AGBL3: variants seen among roughly 807,000 people sequenced by gnomAD.
AGBL3 encodes AGBL carboxypeptidase 3.
A neutral mutation model predicts 94.5 loss-of-function variants in AGBL3; 68 were observed. The observed-to-expected ratio is 0.72, with a 90% CI of 0.59 to 0.88. The LOEUF (loss-of-function observed/expected upper bound fraction) is 0.88, where lower values mean the gene tolerates loss of function less well. Among genes scored for constraint, AGBL3 ranks in the 40% least tolerant of loss-of-function variants. The pLI, the probability that AGBL3 is intolerant of heterozygous loss-of-function variation, is 0.00. For synonymous variants in AGBL3, 354 were observed against 370.7 expected (o/e 0.95, Z 0.52); for missense variants, 934 against 1,103.8 (o/e 0.85, Z 2.18).
intron 4 of AGBL3, among the ~76,000 whole-genome samples, chr7:134,998,356 T>C (rs1811265868): frequency 6.6e-6 from 1 of 152,202 alleles, no homozygotes; most frequent in African/African-American, 2.4e-5. Flanking sequence ...TCTAGGATAA[T>C]TAAGCTAAGA....
At chr7:135,118,250 C>A (rs1362340712) in intron 16 of AGBL3, among the ~76,000 whole-genome samples, 1 of 152,216 alleles carries the variant, frequency 6.6e-6, no homozygotes, top group Non-Finnish European at 1.5e-5. Context: ...TCTGTACCTT[C>A]ATGCTCAGGC....
At chr7:135,127,092 T>G (rs1827979315) in intron 16 of AGBL3, among the ~76,000 whole-genome samples, 1 of 152,060 alleles carries the variant, frequency 6.6e-6, no homozygotes, top group South Asian at 2.1e-4. Context: ...ACCTACAGAA[T>G]GGGAGAAAAT....
At chr7:135,097,919 C>A (rs1823154716) in intron 15 of AGBL3, among the ~76,000 whole-genome samples, 1 of 152,102 alleles carries the variant, frequency 6.6e-6, no homozygotes, top group Non-Finnish European at 1.5e-5. Context: ...GTAATCTATG[C>A]TCAGTTTAAG....
At chr7:135,096,380 A>C (rs1303981027) in intron 15 of AGBL3, among the ~76,000 whole-genome samples, 2 of 148,314 alleles carry the variant, frequency 1.3e-5, no homozygotes, top group African/African-American at 2.5e-5. Flanking sequence ...ACAGACAGAC[A>C]GAGAAGGAAG....
chr7:135,036,519 A>C (rs1203548324), intron 7 of AGBL3, among the ~76,000 whole-genome samples: 1 of 152,232 alleles, frequency 6.6e-6, no homozygotes, highest in African/African-American at 2.4e-5. Context: ...TTTTTAACAA[A>C]TATTTGGGTA....
chr7:135,046,628 C>T (rs1250838246), intron 11 of AGBL3, among the ~76,000 whole-genome samples: 1 of 152,084 alleles, frequency 6.6e-6, no homozygotes, highest in Non-Finnish European at 1.5e-5. Flanking sequence ...TAATTTTCTT[C>T]CATGTCTTTT....
At chr7:135,105,603 G>A (rs1563270855) in intron 15 of AGBL3, among the ~76,000 whole-genome samples, 1 of 152,136 alleles carries the variant, frequency 6.6e-6, no homozygotes, top group Admixed American at 6.5e-5. Context: ...GTCTGTTTTT[G>A]TACAGTACCA....
chr7:135,023,058 C>T (rs1421332188), intron 5 of AGBL3, among the ~76,000 whole-genome samples: 1 of 152,066 alleles, frequency 6.6e-6, no homozygotes, highest in Non-Finnish European at 1.5e-5. Context: ...AGAAGACTAT[C>T]TTCAAATAAT....
chr7:134,988,668 G>A (rs1033983850), intron 2 of AGBL3, among the ~76,000 whole-genome samples: 1 of 149,612 alleles, frequency 6.7e-6, no homozygotes, highest in Non-Finnish European at 1.5e-5. Flanking sequence ...GTTTGAGATC[G>A]CTCTTGTTGC....
At chr7:135,067,903 T>C (rs1819505090) in intron 12 of AGBL3, among the ~76,000 whole-genome samples, 1 of 151,710 alleles carries the variant, frequency 6.6e-6, no homozygotes, top group Non-Finnish European at 1.5e-5. Context: ...GACTGACGAG[T>C]TGAGAGAAGA....
At chr7:135,022,621 T>C (rs1330181557) in intron 5 of AGBL3, among the ~76,000 whole-genome samples, 1 of 152,160 alleles carries the variant, frequency 6.6e-6, no homozygotes, top group Non-Finnish European at 1.5e-5. Context: ...GCCTGTTTGC[T>C]CTTATGATAG....
At chr7:135,134,755 A>T in intron 16 of AGBL3, 86 bp from the exon 17 acceptor site, 1 of 1,244,158 alleles carries the variant, frequency 8.0e-7, no homozygotes, top group Non-Finnish European at 1.1e-6. Flanking sequence ...AAAAGGAAAA[A>T]TATTATTTAT....
In AGBL3 at chr7:135,070,527, A is replaced by G. The variant is rs577132919; in HGVS notation, c.1909-5870A>G. On this transcript the variant is annotated intron_variant, in intron 12 of 16. Transcript: ENST00000436302. ...CAGCACATCAAAAAGCTTATCCACC[A>G]TAATCAAGTGGGCTTCATCCCTGGG... is the stretch of plus-strand genomic sequence containing the variant. Among the ~76,000 whole-genome samples, 4 of 152,320 alleles carry G rather than the reference A, an allele frequency of 2.6e-5. No homozygotes were observed. The South Asian group carries it at 8.3e-4, about 32-fold the overall frequency.
chr7:135,068,500 C>T (rs1024309827), intron 12 of AGBL3, among the ~76,000 whole-genome samples: 6 of 152,116 alleles, frequency 3.9e-5, no homozygotes, highest in Admixed American at 3.9e-4. Context: ...GTCGGGTTAC[C>T]CACAAAGGGA....
chr7:135,077,146 G>C (rs752911908), intron 13 of AGBL3, among the ~76,000 whole-genome samples: 15 of 147,990 alleles, frequency 1.0e-4, no homozygotes, highest in Admixed American at 6.8e-4. Context: ...TATCCCAGGA[G>C]GGGGAGGATA....
intron 15 of AGBL3, among the ~76,000 whole-genome samples, chr7:135,094,911 C>G (rs1304004314): frequency 6.6e-6 from 1 of 152,156 alleles, no homozygotes; most frequent in Non-Finnish European, 1.5e-5. Context: ...AAATTATATA[C>G]AGAATCCCTT....
At chr7:135,022,752 T>C (rs1393000310) in intron 5 of AGBL3, among the ~76,000 whole-genome samples, 1 of 152,134 alleles carries the variant, frequency 6.6e-6, no homozygotes, top group Non-Finnish European at 1.5e-5. Flanking sequence ...ATGTTCTTAA[T>C]GGTATTGCCT....
chr7:135,083,387 C>A (rs1821078743), intron 15 of AGBL3, among the ~76,000 whole-genome samples: 1 of 152,176 alleles, frequency 6.6e-6, no homozygotes, highest in Non-Finnish European at 1.5e-5. Flanking sequence ...CTAAGACTGG[C>A]ACTGCCTTTT....
chr7:135,019,074 A>G (rs1481664311), intron 5 of AGBL3, among the ~76,000 whole-genome samples: 1 of 152,206 alleles, frequency 6.6e-6, no homozygotes, highest in Non-Finnish European at 1.5e-5. Context: ...TTTTAGCTTC[A>G]TATAAATTCA....
Sources: gnomAD v4.1 joint callset for allele counts (sites outside exome capture counted in the v4.1 genomes callset) on GRCh38, gnomAD v4.1.1 for gene constraint, MANE v1.5 for transcripts, NCBI Gene and HGNC (gene_info 2026-07-23, HGNC 2026-07-21) for gene names.